Variants in TIMMDC1 observed in about 807,000 individuals in gnomAD.
TIMMDC1 encodes translocase of inner mitochondrial membrane domain containing 1.
TIMMDC1 carries 25 observed loss-of-function variants against 32.6 expected under a neutral mutation model. The ratio of observed to expected loss-of-function variants is 0.77; its 90% CI spans 0.56 to 1.07. The LOEUF (loss-of-function observed/expected upper bound fraction) is 1.07. TIMMDC1 is among the 50% of genes least tolerant of loss of function. The pLI is 0.00. For synonymous variants in TIMMDC1, 130 were observed against 127.6 expected (o/e 1.02, Z -0.13); for missense variants, 329 against 349.2 (o/e 0.94, Z 0.46).
intron 4 of TIMMDC1, among the ~76,000 whole-genome samples, chr3:119,505,120 C>CA (rs1268234863): frequency 2.0e-5 from 3 of 151,210 alleles, no homozygotes; most frequent in Non-Finnish European, 2.9e-5. Context: ...GTTCTCACCA[C>CA]AAAAAATAGT....
intron 4 of TIMMDC1, among the ~76,000 whole-genome samples, chr3:119,506,217 C>CT (rs1217549307): frequency 6.6e-6 from 1 of 152,222 alleles, no homozygotes; most frequent in Non-Finnish European, 1.5e-5. Context: ...GTTACGTTCT[C>CT]TGTCAATTGT....
intron 1 of TIMMDC1, among the ~76,000 whole-genome samples, chr3:119,499,446 C>G (rs1446781599): frequency 7.1e-6 from 1 of 140,668 alleles, no homozygotes; most frequent in Non-Finnish European, 1.5e-5. Flanking sequence ...GAGACTGAGT[C>G]GCGCTCTATC....
chr3:119,498,934 G>A lies in TIMMDC1; in HGVS notation c.194+7G>A, dbSNP rs755360199. On this transcript the variant is annotated splice_region_variant and intron_variant, in intron 1 of 6. Coordinates refer to ENST00000494664, the MANE Select transcript of TIMMDC1 (RefSeq NM_016589.4). ...GGGAGCTGTTTGGCAAAGAGTAAAA[G>A]TGCCTAGGGTGTGAAGTGGGGTAGG... 3.7e-6 allele frequency: 6 copies of A among 1,613,720 alleles called. No homozygotes were observed. In the South Asian group the frequency reaches 6.6e-5, roughly 18 times the overall value.
At chr3:119,499,037 T>TA (rs1577093817) in intron 1 of TIMMDC1, 110 bp downstream of exon 1, 1 of 819,596 alleles carries the variant, frequency 1.2e-6, no homozygotes, top group African/African-American at 1.7e-5. Flanking sequence ...GCTTCATTTT[T>TA]AGATTATATT....
intron 4 of TIMMDC1, among the ~76,000 whole-genome samples, chr3:119,509,981 G>C (rs1431918757): frequency 1.3e-5 from 2 of 152,076 alleles, no homozygotes; most frequent in South Asian, 4.1e-4. Context: ...ACCGTGCCGG[G>C]CCACTAGATT....
At chr3:119,517,129 C>T in intron 5 of TIMMDC1, 76 bp from the exon 6 acceptor site, 1 of 874,630 alleles carries the variant, frequency 1.1e-6, no homozygotes. Flanking sequence ...GTTGCTCACA[C>T]CTTAGCAGAG....
At chr3:119,517,457 G>A (rs2081993524) in intron 6 of TIMMDC1, 142 bp downstream of exon 6, 3 of 555,858 alleles carry the variant, frequency 5.4e-6, no homozygotes, top group African/African-American at 1.9e-5. Context: ...AACTCATACT[G>A]TACATTGTCT....
In TIMMDC1 at chr3:119,498,885, C is replaced by T. The variant is rs746549678; in HGVS notation, c.152C>T (p.Pro51Leu). The change falls in exon 1 of 7, where the codon CCG becomes CTG. Residue 51 changes from proline (P) to leucine (L), a missense_variant. Coordinates refer to ENST00000494664, the MANE Select transcript of TIMMDC1 (RefSeq NM_016589.4). ...CCCTACGTCCCAGAGCCCTATTACC[C>T]GGAATCTGGATGGGACCGCCTCCGG... ...RLPYVPEPYYPESGWDRLREL... is the reference protein window; with the variant it reads ...RLPYVPEPYYLESGWDRLREL... 18 of 1,613,870 alleles carry T rather than the reference C, an allele frequency of 1.1e-5. No homozygotes were observed. In the South Asian group the frequency reaches 1.5e-4, roughly 14 times the overall value.
rs549126991 is a variant in TIMMDC1, at chr3:119,504,596, A to G, written c.517+575A>G. On this transcript the variant is annotated intron_variant, in intron 4 of 6. Transcript: ENST00000494664. ...CTCTGCCTCTAGTATATATATGTAT[A>G]TTTTCTTTTTAATGAGCATTAAAAA... Among the ~76,000 whole-genome samples the G allele has an allele frequency of 3.3e-5, 5 of 152,228 alleles. No homozygotes were observed. In the South Asian group the frequency reaches 8.3e-4, roughly 25 times the overall value.
At chr3:119,519,981 G>A (rs1181218139) in intron 6 of TIMMDC1, among the ~76,000 whole-genome samples, 1 of 151,968 alleles carries the variant, frequency 6.6e-6, no homozygotes, top group Admixed American at 6.6e-5. Context: ...CAAATACACA[G>A]AAATTAAATA....
At chr3:119,511,703 T>C (rs2081954204) in intron 4 of TIMMDC1, among the ~76,000 whole-genome samples, 1 of 152,132 alleles carries the variant, frequency 6.6e-6, no homozygotes, top group Non-Finnish European at 1.5e-5. Flanking sequence ...AGGTAATGGA[T>C]AAAAGCCCTA....
chr3:119,515,428 C>G (rs1422747213), intron 5 of TIMMDC1, among the ~76,000 whole-genome samples: 4 of 152,138 alleles, frequency 2.6e-5, no homozygotes, highest in Non-Finnish European at 5.9e-5. Flanking sequence ...CTGCCACCAG[C>G]CAGGGAAAAC....
At chr3:119,498,994 C>A in intron 1 of TIMMDC1, 67 bp downstream of exon 1, 2 of 1,445,756 alleles carry the variant, frequency 1.4e-6, no homozygotes, top group Non-Finnish European at 1.9e-6. Flanking sequence ...GCGTGGGCAG[C>A]CTGGGTCAGC....
chr3:119,508,834 A>G (rs72952937), intron 4 of TIMMDC1, among the ~76,000 whole-genome samples: 6,741 of 152,178 alleles, frequency 0.044, 461 homozygotes, highest in African/African-American at 0.15. Context: ...ATCTGATTCA[A>G]ATTTTGGGTG....
At chr3:119,507,567 T>C (rs1302219852) in intron 4 of TIMMDC1, among the ~76,000 whole-genome samples, 1 of 152,240 alleles carries the variant, frequency 6.6e-6, no homozygotes, top group African/African-American at 2.4e-5. Flanking sequence ...CTTTATCCAT[T>C]AGAGCCCTTA....
intron 2 of TIMMDC1, among the ~76,000 whole-genome samples, chr3:119,503,130 T>C (rs2081891252): frequency 6.6e-6 from 1 of 152,214 alleles, no homozygotes; most frequent in Non-Finnish European, 1.5e-5. Context: ...AATGCTCAGA[T>C]TCAAAACTTT....
intron 4 of TIMMDC1, among the ~76,000 whole-genome samples, chr3:119,505,626 C>T (rs1215124496): frequency 6.6e-6 from 1 of 152,222 alleles, no homozygotes; most frequent in Non-Finnish European, 1.5e-5. Context: ...CTCGGCCTCT[C>T]AGAGTGCTGG....
At chr3:119,501,587 A>G (rs544511706) in intron 2 of TIMMDC1, among the ~76,000 whole-genome samples, 78 of 152,316 alleles carry the variant, frequency 5.1e-4, no homozygotes, top group South Asian at 4.1e-3. Flanking sequence ...ATATAGTACT[A>G]TTATCTTATT....
At chr3:119,515,589 G>A (rs890829808) in intron 5 of TIMMDC1, among the ~76,000 whole-genome samples, 1 of 152,170 alleles carries the variant, frequency 6.6e-6, no homozygotes, top group Non-Finnish European at 1.5e-5. Context: ...GAGGGATTAG[G>A]CAGGATATTT....
Sources: allele counts gnomAD v4.1 joint callset (sites outside exome capture counted in the v4.1 genomes callset), GRCh38; gene constraint gnomAD v4.1.1; transcripts MANE v1.5; gene names NCBI Gene and HGNC (gene_info 2026-07-23, HGNC 2026-07-21).